Variants in FAM20C observed in about 807,000 individuals in gnomAD.
FAM20C encodes extracellular serine/threonine protein kinase FAM20C.
In FAM20C, 40 loss-of-function variants were observed where a neutral mutation model predicts 51.5. The ratio of observed to expected loss-of-function variants is 0.78; its 90% confidence interval spans 0.60 to 1.01. The LOEUF is 1.01. Among genes scored for constraint, FAM20C ranks in the 50% least tolerant of loss-of-function variants. The pLI, the probability that FAM20C is intolerant of heterozygous loss-of-function variation, is 0.00. For missense variants in FAM20C, 861 were observed against 844.7 expected (o/e 1.02, Z -0.24); for synonymous variants, 406 against 380.6 (o/e 1.07, Z -0.78).
intron 2 of FAM20C, among the ~76,000 whole-genome samples, chr7:199,618 T>C (rs2115047784): frequency 6.6e-6 from 1 of 152,314 alleles, no homozygotes; most frequent in South Asian, 2.1e-4. Flanking sequence ...TCTCTCCTGC[T>C]CAGAACCACC....
At chr7:252,640 C>G (rs1367452161) in intron 5 of FAM20C, among the ~76,000 whole-genome samples, 1 of 152,238 alleles carries the variant, frequency 6.6e-6, no homozygotes, top group Non-Finnish European at 1.5e-5. Context: ...CAGCCAGGAA[C>G]AAGGTGAGGG....
chr7:242,361 G>A (rs1011555852), intron 3 of FAM20C, among the ~76,000 whole-genome samples: 15 of 148,650 alleles, frequency 1.0e-4, no homozygotes, highest in Non-Finnish European at 1.8e-4. Flanking sequence ...GGCCTTGTGT[G>A]TACAGGGCAA....
chr7:254,750 G>A (rs573777406), intron 5 of FAM20C, among the ~76,000 whole-genome samples: 3 of 152,288 alleles, frequency 2.0e-5, no homozygotes, highest in East Asian at 3.9e-4. Flanking sequence ...ATGAGCAGGC[G>A]GTCACCGTTC....
At chr7:217,872 C>G (rs1033870366) in intron 3 of FAM20C, among the ~76,000 whole-genome samples, 8 of 152,134 alleles carry the variant, frequency 5.3e-5, no homozygotes, top group African/African-American at 1.9e-4. Context: ...GAAGAGGGGC[C>G]TGGCTGATGG....
intron 2 of FAM20C, chr7:197,632 A>T (rs1027393157): frequency 1.3e-5 from 2 of 153,048 alleles, no homozygotes; most frequent in Non-Finnish European, 2.9e-5. Flanking sequence ...GTGGCCTTCC[A>T]CAACAGTCCC....
rs183826768 is a variant in FAM20C, at chr7:222,207, G to A, written c.863+13231G>A. Among the ~76,000 whole-genome samples, 5 of 152,316 alleles carry A rather than the reference G, an allele frequency of 3.3e-5. No homozygotes were observed. In the East Asian group the frequency reaches 9.6e-4, roughly 29 times the overall value. ...TCTGGAGGTCCAGGGCAGCTGTGCT[G>A]TTGTGTTTTGTTTCTTAGAAAGCTT... is the stretch of plus-strand genomic sequence containing the variant. On this transcript the variant is annotated intron_variant, in intron 3 of 9. Coordinates refer to ENST00000313766, the MANE Select transcript of FAM20C (RefSeq NM_020223.4).
At chr7:197,729 C>A (rs1054055441) in intron 2 of FAM20C, among the ~76,000 whole-genome samples, 2 of 152,226 alleles carry the variant, frequency 1.3e-5, no homozygotes, top group African/African-American at 4.8e-5. Context: ...CTGCAGCTCG[C>A]CACCTCCCTC....
At chr7:194,066 C>A (rs1245945465) in intron 1 of FAM20C, 3 of 465,120 alleles carry the variant, frequency 6.4e-6, no homozygotes, top group African/African-American at 2.0e-5. Flanking sequence ...CCTTTAGAAG[C>A]GAGTCCTGAC....
intron 3 of FAM20C, among the ~76,000 whole-genome samples, chr7:219,443 G>A (rs186868568): frequency 1.7e-3 from 232 of 139,800 alleles, no homozygotes; most frequent in East Asian, 6.9e-3. Context: ...TGGCCAGCCC[G>A]GGACAGCAAC....
chr7:214,574 C>T (rs186990159), intron 3 of FAM20C, among the ~76,000 whole-genome samples: 3 of 152,314 alleles, frequency 2.0e-5, no homozygotes, highest in Admixed American at 6.5e-5. Context: ...AGCCACAGAG[C>T]GACGGGCCTG....
rs143396296 is a variant in FAM20C at position 214,026 on chromosome 7, T to C, written c.863+5050T>C. Reference sequence around the variant, plus strand: ...GTTGGGGTATTTGTCTTTTTGTTACTAAGTTTTAAGACGTCTTGGCCAGGC... The same window carrying C: ...GTTGGGGTATTTGTCTTTTTGTTACCAAGTTTTAAGACGTCTTGGCCAGGC... On this transcript the variant is annotated intron_variant, in intron 3 of 9. Coordinates refer to ENST00000313766, the MANE Select transcript of FAM20C (RefSeq NM_020223.4). 3.9e-3 allele frequency among the ~76,000 whole-genome samples: 600 copies of C among 152,320 alleles called. 6 individuals carry two copies. Among genetic ancestry groups the C allele is most frequent in the African/African-American group, 0.014 (572 of 41,556 alleles).
intron 8 of FAM20C, 193 bp downstream of exon 8, chr7:257,279 G>A: frequency 3.3e-6 from 2 of 602,020 alleles, no homozygotes; most frequent in Non-Finnish European, 5.8e-6. Flanking sequence ...GCCGCCCCGG[G>A]AGTGGGACCT....
chr7:227,882 T>C (rs1197310365), intron 3 of FAM20C: 1 of 152,556 alleles, frequency 6.6e-6, no homozygotes, highest in African/African-American at 2.4e-5. Flanking sequence ...TTAAAATGGA[T>C]TTTCATTAAA....
intron 3 of FAM20C, chr7:229,704 T>A (rs1288236255): frequency 6.6e-6 from 1 of 152,266 alleles, no homozygotes; most frequent in Non-Finnish European, 1.5e-5. Flanking sequence ...CCGGAGTCAC[T>A]GCCAGGGAGA....
At chr7:252,549 A>C (rs1317766488) in intron 5 of FAM20C, among the ~76,000 whole-genome samples, 1 of 152,052 alleles carries the variant, frequency 6.6e-6, no homozygotes, top group Admixed American at 6.5e-5. Context: ...TGGAGGGCTG[A>C]GCCCACTGCA....
Position 193,400 on chromosome 7 carries a change from C to T in FAM20C, c.201C>T (p.Pro67=), listed in dbSNP as rs776532676. ...GCTGGGCCCAGGTTCGGGGCCGCCCCGGGGAGCCCCCGGCCGCCTCCTCCG... is the reference window on the plus strand; with the variant it reads ...GCTGGGCCCAGGTTCGGGGCCGCCCTGGGGAGCCCCCGGCCGCCTCCTCCG... ...APGWAQVRGR[P]GEPPAASSAA... The change falls in exon 1 of 10, where the codon CCC becomes CCT. Residue 67 remains proline (P), a synonymous_variant. Coordinates refer to ENST00000313766, the MANE Select transcript of FAM20C (RefSeq NM_020223.4). The T allele has an allele frequency of 1.9e-5, 26 of 1,397,646 alleles. No homozygotes were observed. Among genetic ancestry groups the T allele is most frequent in the South Asian group, 1.5e-4 (10 of 66,236 alleles). The allele number at this position is 1,397,646 out of a possible 1,614,324, so 86.6% of individuals were successfully genotyped here.
At position 204,309 on chromosome 7, in the gene FAM20C, G is replaced by GCT. The variant is rs1265447432; in HGVS notation, c.785-4589_785-4588insCT. 3.2e-4 allele frequency among the ~76,000 whole-genome samples: 49 copies of GCT among 152,376 alleles called. No homozygotes were observed. In the Middle Eastern group the frequency reaches 0.014, roughly 42 times the overall value. ...CGCCTGAGGCTGGCGTTCAGGTTCT[G>GCT]TGCAGTGTTTTGGAGAGAAATGAGA... On this transcript the variant is annotated intron_variant, in intron 2 of 9. Coordinates refer to ENST00000313766, the MANE Select transcript of FAM20C (RefSeq NM_020223.4).
chr7:259,027 C>T (rs1788759921), intron 9 of FAM20C, among the ~76,000 whole-genome samples: 1 of 152,256 alleles, frequency 6.6e-6, no homozygotes, highest in African/African-American at 2.4e-5. Context: ...CTCCCGCACG[C>T]AGCTGCCGGT....
At chr7:229,288 G>A (rs1373298115) in intron 3 of FAM20C, 15 of 217,182 alleles carry the variant, frequency 6.9e-5, no homozygotes, top group Admixed American at 2.6e-4. Context: ...GCTGCAATGT[G>A]TTCTGGCTGG....
Sources: gnomAD v4.1 joint callset for allele counts (sites outside exome capture counted in the v4.1 genomes callset) on GRCh38, gnomAD v4.1.1 for gene constraint, MANE v1.5 for transcripts, NCBI Gene and HGNC (gene_info 2026-07-23, HGNC 2026-07-21) for gene names.